PLD5: variants seen among roughly 807,000 people sequenced by gnomAD.
The protein encoded by PLD5 is inactive phospholipase D5.
Under a neutral mutation model 61.1 loss-of-function variants are expected in PLD5, and 36 were observed. The ratio of observed to expected loss-of-function variants is 0.59; its 90% CI spans 0.45 to 0.78. PLD5 has a LOEUF of 0.78. Ranked by LOEUF, PLD5 falls within the 30% of genes least tolerant of loss-of-function variation. The probability of loss-of-function intolerance (pLI) is 0.00; values close to 1 mark genes in which losing one functional copy is unlikely to be tolerated. For synonymous variants in PLD5, 243 were observed against 242.8 expected, an observed-to-expected ratio of 1.00 and a Z score of -0.01; for missense variants, 515 against 644.4, an observed-to-expected ratio of 0.80 and a Z score of 2.17.
In PLD5 at chr1:242,233,076, C is replaced by T. The variant is rs562916667; in HGVS notation, c.608-12961G>A. ...GGCTGAGGCAGAAGAATCGCTTGAA[C>T]CCGGGAGGCCAAGGTTGCAGTGAGC... On this transcript the variant is annotated intron_variant, in intron 4 of 9. Transcript: ENST00000536534. Among the ~76,000 whole-genome samples, 17 of 152,238 alleles carry T rather than the reference C, an allele frequency of 1.1e-4. 1 individual carries two copies. The South Asian group carries it at 3.1e-3, about 28-fold the overall frequency.
chr1:242,462,918 C>T (rs1012053786), intron 1 of PLD5, among the ~76,000 whole-genome samples: 2 of 152,166 alleles, frequency 1.3e-5, no homozygotes, highest in Non-Finnish European at 2.9e-5. Flanking sequence ...ATTACTTGTG[C>T]CTTAATTCTA....
chr1:242,325,150 G>A (rs1658667964), intron 2 of PLD5, among the ~76,000 whole-genome samples: 4 of 152,070 alleles, frequency 2.6e-5, no homozygotes, highest in Admixed American at 2.0e-4. Context: ...TGTGTACTGA[G>A]CATAAGGCTA....
rs141425285 is a variant in PLD5 at position 242,487,106 on chromosome 1, A to C, written c.189+36982T>G. 4.0e-3 allele frequency among the ~76,000 whole-genome samples: 607 copies of C among 152,266 alleles called. 3 individuals are homozygous for C. The highest frequency in any genetic ancestry group is 5.2e-3 in the Non-Finnish European group (351 of 68,026). ...GGGATAGCATTAGGAGATATACTTA[A>C]TGTTAAATGACGAGTTAATGGGTGC... On this transcript the variant is annotated intron_variant, in intron 1 of 9. Transcript: ENST00000536534.
chr1:242,269,258 A>T (rs1170572961), intron 3 of PLD5, among the ~76,000 whole-genome samples: 2 of 152,334 alleles, frequency 1.3e-5, no homozygotes, highest in Middle Eastern at 3.4e-3. Context: ...AGACTTAGAT[A>T]AATTATCTCA....
chr1:242,414,621 A>T (rs1167930838), intron 1 of PLD5, among the ~76,000 whole-genome samples: 1 of 152,246 alleles, frequency 6.6e-6, no homozygotes, highest in Non-Finnish European at 1.5e-5. Flanking sequence ...TAGTGAATAC[A>T]TCAGGATAAA....
At chr1:242,113,084 C>T (rs376336097) in intron 7 of PLD5, among the ~76,000 whole-genome samples, 1 of 110,664 alleles carries the variant, frequency 9.0e-6, no homozygotes. Context: ...CTCTCTCTCT[C>T]TTTTTTTTTT....
At chr1:242,099,379 A>G (rs1660507004) in intron 9 of PLD5, among the ~76,000 whole-genome samples, 1 of 152,148 alleles carries the variant, frequency 6.6e-6, no homozygotes, top group Admixed American at 6.5e-5. Context: ...CACCTGCCTC[A>G]GCCTCCCAAA....
At chr1:242,519,667 G>C (rs1487442827) in intron 1 of PLD5, among the ~76,000 whole-genome samples, 1 of 152,222 alleles carries the variant, frequency 6.6e-6, no homozygotes, top group Non-Finnish European at 1.5e-5. Context: ...CCAGCTGAGA[G>C]AGTGAGAACC....
At chr1:242,095,862 A>G (rs1378313937) in intron 9 of PLD5, among the ~76,000 whole-genome samples, 3 of 152,132 alleles carry the variant, frequency 2.0e-5, no homozygotes, top group Non-Finnish European at 4.4e-5. Context: ...CTGATTTCAT[A>G]TTACTCTCCA....
At chr1:242,241,869 C>CTATATATATA (rs752113161) in intron 4 of PLD5, among the ~76,000 whole-genome samples, 8 of 70,852 alleles carry the variant, frequency 1.1e-4, no homozygotes, top group Non-Finnish European at 1.7e-4. Flanking sequence ...GCTTTACTTA[C>CTATATATATA]TATATATATA....
Position 242,085,506 on chromosome 1 carries a change from G to C in PLD5, c.*4348C>G, listed in dbSNP as rs1338122565. On this transcript the variant is annotated 3_prime_UTR_variant, in exon 10 of 10. Transcript: ENST00000536534. ...GCCTCCGTCCATTTAAGTCAATAAG[G>C]TGAAAATGGTAAGCAGCTATTTTGT... is the stretch of plus-strand genomic sequence containing the variant. 6.6e-6 allele frequency: 1 copy of C among 152,150 alleles called. No individual in the cohort carries two copies. The highest frequency in any genetic ancestry group is 2.4e-5 in the African/African-American group (1 of 41,422). The allele number at this position is 152,150 out of a possible 1,614,324, so 9.4% of individuals were successfully genotyped here.
At chr1:242,206,376 T>A (rs1244597701) in intron 5 of PLD5, among the ~76,000 whole-genome samples, 1 of 152,194 alleles carries the variant, frequency 6.6e-6, no homozygotes, top group Non-Finnish European at 1.5e-5. Flanking sequence ...GATCTCATAG[T>A]CATCATCTGT....
At chr1:242,449,320 C>T in intron 1 of PLD5, 1 of 1,536,106 alleles carries the variant, frequency 6.5e-7, no homozygotes, top group Non-Finnish European at 8.7e-7. Flanking sequence ...CCAGGTAACA[C>T]ACTAGGTCTG....
intron 2 of PLD5, among the ~76,000 whole-genome samples, chr1:242,338,981 C>A (rs572533989): frequency 6.6e-6 from 1 of 152,212 alleles, no homozygotes; most frequent in African/African-American, 2.4e-5. Context: ...TCAGACTATT[C>A]TATTTATTTT....
intron 9 of PLD5, among the ~76,000 whole-genome samples, chr1:242,096,071 G>A (rs1431356514): frequency 6.6e-6 from 1 of 151,624 alleles, no homozygotes; most frequent in Non-Finnish European, 1.5e-5. Flanking sequence ...CCATTCTCCT[G>A]CCTCAGCCTC....
At chr1:242,440,927 ATT>A (rs1666246200) in intron 1 of PLD5, among the ~76,000 whole-genome samples, 1 of 152,200 alleles carries the variant, frequency 6.6e-6, no homozygotes, top group Non-Finnish European at 1.5e-5. Flanking sequence ...GGATTGGGTG[ATT>A]GCTTAAATTT....
intron 1 of PLD5, among the ~76,000 whole-genome samples, chr1:242,459,368 T>A (rs1667043030): frequency 6.6e-6 from 1 of 152,234 alleles, no homozygotes; most frequent in African/African-American, 2.4e-5. Flanking sequence ...AGACGGTATC[T>A]CTGAGGGGTT....
At chr1:242,456,989 CT>C (rs1666963488) in intron 1 of PLD5, among the ~76,000 whole-genome samples, 1 of 152,210 alleles carries the variant, frequency 6.6e-6, no homozygotes, top group African/African-American at 2.4e-5. Context: ...ATGACAAAAG[CT>C]GCCGAGAACA....
chr1:242,124,747 G>A, intron 5 of PLD5, 82 bp from the exon 6 acceptor site: 2 of 1,157,462 alleles, frequency 1.7e-6, no homozygotes, highest in Non-Finnish European at 1.2e-6. Context: ...GCATAAGAAT[G>A]AGGTAGTTGT....
Sources: allele counts gnomAD v4.1 joint callset (sites outside exome capture counted in the v4.1 genomes callset), GRCh38; gene constraint gnomAD v4.1.1; transcripts MANE v1.5; gene names NCBI Gene and HGNC (gene_info 2026-07-23, HGNC 2026-07-21).